Variants in RIMS3 observed in about 807,000 individuals in gnomAD.
RIMS3 encodes regulating synaptic membrane exocytosis 3.
A neutral mutation model predicts 29.2 loss-of-function variants in RIMS3; 15 were observed. The ratio of observed to expected loss-of-function variants is 0.51; its 90% CI spans 0.34 to 0.79. The LOEUF (loss-of-function observed/expected upper bound fraction) is 0.79. RIMS3 is among the 30% of genes least tolerant of loss of function. The probability of loss-of-function intolerance (pLI) is 0.01; values close to 1 mark genes in which losing one functional copy is unlikely to be tolerated. For missense variants in RIMS3, 342 were observed against 421.4 expected, an observed-to-expected ratio of 0.81 and a Z score of 1.65; for synonymous variants, 161 against 170.1, an observed-to-expected ratio of 0.95 and a Z score of 0.41.
intron 4 of RIMS3, among the ~76,000 whole-genome samples, chr1:40,634,006 G>A (rs1471579374): frequency 3.3e-5 from 5 of 152,160 alleles, no homozygotes; most frequent in African/African-American, 1.2e-4. Context: ...TGCTGCTGTT[G>A]TTATCATCAA....
Position 40,641,881 on chromosome 1 carries a change from C to T in RIMS3, c.45G>A (p.Arg15=), listed in dbSNP as rs1646560224. ...TAATGCTGGAGCTCCGCACCACATTCCTGGAGGCCCCAGATGAGGCAGGAC... is the reference window on the plus strand; with the variant it reads ...TAATGCTGGAGCTCCGCACCACATTTCTGGAGGCCCCAGATGAGGCAGGAC... ...EPGPASSGAS[R]NVVRSSSISG... is the part of the protein sequence containing the mutation. The change falls in exon 3 of 8, where the codon AGG becomes AGA. Residue 15 remains arginine, a synonymous_variant. Transcript: ENST00000372684. The T allele has an allele frequency of 6.2e-7, 1 of 1,613,696 alleles. No individual in the cohort carries two copies. Among genetic ancestry groups the T allele is most frequent in the African/African-American group, 1.3e-5 (1 of 75,062 alleles).
In RIMS3 at chr1:40,636,138, T is replaced by A; in HGVS notation, c.218-81A>T. 2 of 1,545,190 alleles carry A rather than the reference T, an allele frequency of 1.3e-6. No homozygotes were observed. Reference sequence around the variant, plus strand: ...GGCTTCTCTAAGAGTCCTGCCAAAGTCACTCTCTTGGCATGGGGGGTTGAT... The same window carrying A: ...GGCTTCTCTAAGAGTCCTGCCAAAGACACTCTCTTGGCATGGGGGGTTGAT... On this transcript the variant is annotated intron_variant, in intron 3 of 7. Coordinates refer to ENST00000372684, the MANE Select transcript of RIMS3 (RefSeq NM_014747.3). The surrounding 1 kb of genome is among the most constrained non-coding windows in gnomAD (Gnocchi z 4.2).
rs978784138 is a variant in RIMS3, at chr1:40,642,969, A to T, written c.-31-1013T>A. Among the ~76,000 whole-genome samples, 553 of 144,658 alleles carry T rather than the reference A, an allele frequency of 3.8e-3. 6 individuals carry two copies. Among genetic ancestry groups the T allele is most frequent in the African/African-American group, 0.013 (518 of 39,802 alleles). 94.9% of individuals were successfully genotyped at this position (144,658 alleles called of 152,430 possible). On this transcript the variant is annotated intron_variant, in intron 2 of 7. Transcript: ENST00000372684. ...AGACTCTGTCTCAAAAAAAAAAAAA[A>T]ATATTATATCATAAGCATTTCCCAA...
At chr1:40,689,512 C>A in the RIMS3 span, among the ~76,000 whole-genome samples, 1 of 152,246 alleles carries the variant, frequency 6.6e-6, no homozygotes, top group South Asian at 2.1e-4. Context: ...GAACTCCTGA[C>A]CTCGTCATCC....
rs908303471 is a variant in RIMS3, at chr1:40,621,596, T to C, written c.*4921A>G. ...TTTAATTAAAACTGGGAGGGAATCA[T>C]GGGGAGAGCAGCTAATGCTCTGATT... On this transcript the variant is annotated 3_prime_UTR_variant, in exon 8 of 8. Coordinates refer to ENST00000372684, the MANE Select transcript of RIMS3 (RefSeq NM_014747.3). The C allele has an allele frequency of 5.3e-5, 8 of 152,224 alleles. No homozygotes were observed. Among genetic ancestry groups the C allele is most frequent in the South Asian group, 2.1e-4 (1 of 4,810 alleles). The allele number at this position is 152,224 out of a possible 1,614,324, so 9.4% of individuals were successfully genotyped here. A position where few individuals can be genotyped will look rare whatever the true frequency, so the allele number is the denominator to read the frequency against.
chr1:40,658,079 T>C (rs1642295850), intron 1 of RIMS3, among the ~76,000 whole-genome samples: 1 of 152,090 alleles, frequency 6.6e-6, no homozygotes, highest in Admixed American at 6.5e-5. Context: ...ACAGAATCAA[T>C]ACAGGTCAAG....
rs1570197042 is a variant in RIMS3, at chr1:40,654,317, G to A, written c.-206-6475C>T. Among the ~76,000 whole-genome samples the A allele has an allele frequency of 6.6e-6, 1 of 152,102 alleles. No homozygotes were observed. Among genetic ancestry groups the A allele is most frequent in the Non-Finnish European group, 1.5e-5 (1 of 68,018 alleles). On this transcript the variant is annotated intron_variant, in intron 1 of 7. Coordinates refer to ENST00000372684, the MANE Select transcript of RIMS3 (RefSeq NM_014747.3). This position sits in a 1 kb window ranked among gnomAD's most constrained non-coding sequence, Gnocchi z 5.3. ...CTCCTCAGAAACCCAGCACAGGCTC[G>A]GCCCCAGGCCAGACAGACACCGCCC...
the RIMS3 span, among the ~76,000 whole-genome samples, chr1:40,690,013 A>C: frequency 1.3e-5 from 2 of 152,104 alleles, no homozygotes; most frequent in African/African-American, 4.8e-5. Flanking sequence ...AAATATACTT[A>C]ATATCACTCT....
At position 40,628,931 on chromosome 1, in the gene RIMS3, T is replaced by A; in HGVS notation, c.593A>T (p.Tyr198Phe). The change falls in exon 7 of 8, where the codon TAC (tyrosine) becomes TTC (phenylalanine). Residue 198 changes from tyrosine to phenylalanine, a missense_variant. Tyr to Phe is a conservative substitution (Grantham distance 22, BLOSUM62 3). Coordinates refer to ENST00000372684, the MANE Select transcript of RIMS3 (RefSeq NM_014747.3). ...KSLPATYIKV[Y>F]LLENGACLAK... ...CAAGCAGGCCCCATTCTCCAGCAGGTAAACCTTGATATAGGTGGCTAAGGG... is the reference window on the plus strand; with the variant it reads ...CAAGCAGGCCCCATTCTCCAGCAGGAAAACCTTGATATAGGTGGCTAAGGG... 1 of 1,613,320 alleles carries A rather than the reference T, an allele frequency of 6.2e-7. No homozygotes were observed. The highest frequency in any genetic ancestry group is 8.5e-7 in the Non-Finnish European group (1 of 1,179,988).
At chr1:40,669,416 T>C (rs540060141), upstream of RIMS3, 1 of 152,352 alleles carries the variant, frequency 6.6e-6, no homozygotes, top group African/African-American at 2.4e-5. Context: ...ACAAACTTTT[T>C]TGAGGTTTAC....
intron 2 of RIMS3, among the ~76,000 whole-genome samples, chr1:40,645,155 T>TC (rs34556035): frequency 6.6e-6 from 1 of 152,062 alleles, no homozygotes; most frequent in African/African-American, 2.4e-5. Flanking sequence ...TAATGGAAAG[T>TC]CCCCCTGGAC....
chr1:40,643,312 T>C (rs1395011937), intron 2 of RIMS3, among the ~76,000 whole-genome samples: 2 of 151,960 alleles, frequency 1.3e-5, no homozygotes, highest in Non-Finnish European at 2.9e-5. Flanking sequence ...TTTGTATTTT[T>C]AGTAGAGATG....
chr1:40,632,625 AT>A (rs1273981946), intron 5 of RIMS3, among the ~76,000 whole-genome samples: 2 of 151,394 alleles, frequency 1.3e-5, no homozygotes, highest in East Asian at 3.9e-4. Flanking sequence ...ACTCTGTGGA[AT>A]TTTTTTTCCC....
chr1:40,678,016 T>C, the RIMS3 span, among the ~76,000 whole-genome samples: 5 of 152,224 alleles, frequency 3.3e-5, no homozygotes, highest in Non-Finnish European at 7.3e-5. Context: ...TAAATTCTGT[T>C]GGAAAACACT....
chr1:40,651,500 T>C (rs488096), intron 1 of RIMS3, among the ~76,000 whole-genome samples: 56,122 of 152,094 alleles, frequency 0.37, 11,711 homozygotes, highest in African/African-American at 0.57. Flanking sequence ...ATTTCTGTTG[T>C]TTTAAGCCAC....
At chr1:40,649,576 C>A (rs573759002) in intron 1 of RIMS3, among the ~76,000 whole-genome samples, 1 of 152,238 alleles carries the variant, frequency 6.6e-6, no homozygotes, top group Non-Finnish European at 1.5e-5. Flanking sequence ...AGCTTGAACA[C>A]GTGCACAAGG....
At chr1:40,670,149 G>A (rs761561807), upstream of RIMS3, among the ~76,000 whole-genome samples, 12 of 152,118 alleles carry the variant, frequency 7.9e-5, no homozygotes, top group Non-Finnish European at 1.8e-4. Flanking sequence ...TACTGAAAAT[G>A]CTTTTCATTG....
At position 40,622,984 on chromosome 1, in the gene RIMS3, C is replaced by T. The variant is rs2148340347; in HGVS notation, c.*3533G>A. The T allele has an allele frequency of 6.2e-6, 1 of 162,118 alleles. No individual in the cohort carries two copies. Among genetic ancestry groups the T allele is most frequent in the Non-Finnish European group, 1.3e-5 (1 of 74,578 alleles). The allele number at this position is 162,118 out of a possible 1,614,324, so 10.0% of individuals were successfully genotyped here. On this transcript the variant is annotated 3_prime_UTR_variant, in exon 8 of 8. Transcript: ENST00000372684. Reference sequence around the variant, plus strand: ...TTATTGTCTTTAAAAATGGAGGCTTCTGCTCTCCTCAAGGCTGGCAGTAAA... The same window carrying T: ...TTATTGTCTTTAAAAATGGAGGCTTTTGCTCTCCTCAAGGCTGGCAGTAAA...
rs1375709944 is a variant in RIMS3 at position 40,623,536 on chromosome 1, C to T, written c.*2981G>A. ...CCAGAGGAGGTGGAATGACAAAGAG[C>T]TCCATTCCTGTAACCACTGCAGGGT... On this transcript the variant is annotated 3_prime_UTR_variant, in exon 8 of 8. Transcript: ENST00000372684. 1 of 398,562 alleles carries T rather than the reference C, an allele frequency of 2.5e-6. No homozygotes were observed. Among genetic ancestry groups the T allele is most frequent in the African/African-American group, 2.1e-5 (1 of 48,626 alleles). 24.7% of individuals were successfully genotyped at this position (398,562 alleles called of 1,614,324 possible).
Sources: gnomAD v4.1 joint callset for allele counts (sites outside exome capture counted in the v4.1 genomes callset) on GRCh38, gnomAD v4.1.1 for gene constraint, Gnocchi (gnomAD v3.1) non-coding constraint, MANE v1.5 for transcripts, NCBI Gene and HGNC (gene_info 2026-07-23, HGNC 2026-07-21) for gene names.